The following SLC9D1 variants were observed in gnomAD, a reference collection of about 807,000 sequenced individuals.
The protein encoded by SLC9D1 is putative LAG1-interacting protein.
At chr13:113,544,985 T>C in the SLC9D1 span, among the ~76,000 whole-genome samples, 1 of 152,256 alleles carries the variant, frequency 6.6e-6, no homozygotes, top group Non-Finnish European at 1.5e-5. Context: ...ATGTCAGTCA[T>C]TGGGTGTGTC....
the SLC9D1 span, among the ~76,000 whole-genome samples, chr13:113,496,954 T>C: frequency 0.19 from 28,173 of 152,214 alleles, 3,446 homozygotes; most frequent in African/African-American, 0.35. Context: ...CATTGGCTCC[T>C]GGTATGCACA....
At chr13:113,539,743 C>T in the SLC9D1 span, among the ~76,000 whole-genome samples, 2 of 152,096 alleles carry the variant, frequency 1.3e-5, no homozygotes, top group African/African-American at 4.8e-5. This position sits in a 1 kb window ranked among gnomAD's most constrained non-coding sequence, Gnocchi z 4.8. Context: ...CCTTTAGGCT[C>T]AGGGTACGTG....
chr13:113,548,524 C>T, the SLC9D1 span: 3 of 1,516,216 alleles, frequency 2.0e-6, no homozygotes, highest in Middle Eastern at 2.4e-4. Flanking sequence ...TCGGGTGTGG[C>T]GAAGGCGGCT....
At chr13:113,542,694 G>A in the SLC9D1 span, among the ~76,000 whole-genome samples, 1 of 152,188 alleles carries the variant, frequency 6.6e-6, no homozygotes, top group African/African-American at 2.4e-5. Flanking sequence ...GAATCACAAG[G>A]GATCTGGTGT....
chr13:113,526,745 G>A, the SLC9D1 span, among the ~76,000 whole-genome samples: 382 of 152,220 alleles, frequency 2.5e-3, 1 homozygote, highest in African/African-American at 8.6e-3. Context: ...AGTGTACAGC[G>A]CCTGTGGCGT....
chr13:113,510,945 G>C, the SLC9D1 span, among the ~76,000 whole-genome samples: 1 of 149,924 alleles, frequency 6.7e-6, no homozygotes, highest in African/African-American at 2.5e-5. Context: ...CGACTTGCTC[G>C]GAGCCTAGGC....
At chr13:113,497,970 T>C in the SLC9D1 span, among the ~76,000 whole-genome samples, 1 of 152,244 alleles carries the variant, frequency 6.6e-6, no homozygotes, top group Non-Finnish European at 1.5e-5. Context: ...ATTTAGATAG[T>C]AGCTCCACAT....
chr13:113,504,449 A>G, the SLC9D1 span: 2 of 152,206 alleles, frequency 1.3e-5, no homozygotes, highest in East Asian at 1.9e-4. Context: ...AGAGCAGTGT[A>G]CACTGCTCCC....
At chr13:113,523,444 T>A in the SLC9D1 span, among the ~76,000 whole-genome samples, 1 of 152,064 alleles carries the variant, frequency 6.6e-6, no homozygotes, top group Admixed American at 6.6e-5. Context: ...ATATACAGAG[T>A]TTTTGTGTTG....
the SLC9D1 span, chr13:113,503,528 T>G: frequency 6.2e-7 from 1 of 1,613,790 alleles, no homozygotes; most frequent in Non-Finnish European, 8.5e-7. Flanking sequence ...TAGGAGAATT[T>G]GGGGTGTTTT....
chr13:113,501,848 C>A, the SLC9D1 span: 1 of 1,611,750 alleles, frequency 6.2e-7, no homozygotes, highest in Non-Finnish European at 8.5e-7. Context: ...TTGTGGTGTA[C>A]TTCTGGGACC....
the SLC9D1 span, among the ~76,000 whole-genome samples, chr13:113,523,936 T>A: frequency 1.3e-5 from 2 of 152,258 alleles, no homozygotes; most frequent in African/African-American, 4.8e-5. Flanking sequence ...GATGTCTTTC[T>A]GTTACTGATT....
chr13:113,524,086 C>A, the SLC9D1 span: 1 of 455,190 alleles, frequency 2.2e-6, no homozygotes, highest in Non-Finnish European at 4.4e-6. Flanking sequence ...AAAGTGTATT[C>A]TGTTATTGTT....
At chr13:113,549,608 G>C in the SLC9D1 span, 3 of 1,602,504 alleles carry the variant, frequency 1.9e-6, no homozygotes, top group Non-Finnish European at 2.6e-6. Context: ...GCCAGCAGCT[G>C]CTCCTTCTGG....
chr13:113,510,553 C>T, the SLC9D1 span: 1 of 806,522 alleles, frequency 1.2e-6, no homozygotes, highest in African/African-American at 1.7e-5. Flanking sequence ...CTTTCCTAAC[C>T]ATGGTGGATA....
the SLC9D1 span, chr13:113,498,202 C>T: frequency 0.14 from 82,908 of 601,224 alleles, 7,386 homozygotes; most frequent in African/African-American, 0.35. Flanking sequence ...AACTAGGACA[C>T]GTGACTTCCC....
At chr13:113,549,318 G>C in the SLC9D1 span, 1 of 1,286,026 alleles carries the variant, frequency 7.8e-7, no homozygotes, top group Non-Finnish European at 1.1e-6. Flanking sequence ...CAGGACTCTA[G>C]CTTTGCAGGC....
At chr13:113,531,658 G>A in the SLC9D1 span, among the ~76,000 whole-genome samples, 2 of 144,422 alleles carry the variant, frequency 1.4e-5, no homozygotes, top group African/African-American at 2.6e-5. Flanking sequence ...AGAGCAGCAC[G>A]CGTGTGGACC....
the SLC9D1 span, among the ~76,000 whole-genome samples, chr13:113,538,257 T>C: frequency 4.8e-5 from 5 of 103,298 alleles, no homozygotes; most frequent in African/African-American, 2.5e-4. Flanking sequence ...TGGTATGTGT[T>C]CGTGTGTGTC....
Sources: allele counts gnomAD v4.1 joint callset (sites outside exome capture counted in the v4.1 genomes callset), GRCh38; gene constraint gnomAD v4.1.1; non-coding constraint Gnocchi (gnomAD v3.1); transcripts MANE v1.5; gene names NCBI Gene and HGNC (gene_info 2026-07-23, HGNC 2026-07-21).